The following CNTN5 variants were observed in gnomAD, a reference collection of about 807,000 sequenced individuals.
CNTN5 encodes contactin-5.
Under a neutral mutation model 129.1 loss-of-function variants are expected in CNTN5, and 77 were observed. The ratio of observed to expected loss-of-function variants is 0.60; its 90% CI spans 0.50 to 0.72. The LOEUF (loss-of-function observed/expected upper bound fraction) is 0.72. CNTN5 is among the 30% of genes least tolerant of loss of function. The pLI is 0.00. For synonymous variants in CNTN5, 509 were observed against 465.6 expected, an observed-to-expected ratio of 1.09 and a Z score of -1.20; for missense variants, 1,478 against 1,328.8, an observed-to-expected ratio of 1.11 and a Z score of -1.75.
intron 8 of CNTN5, among the ~76,000 whole-genome samples, chr11:99,963,337 A>C (rs938678923): frequency 3.3e-5 from 5 of 152,152 alleles, no homozygotes; most frequent in Admixed American, 2.6e-4. Context: ...TTTTTTGTAT[A>C]AGGTGTAAGG....
intron 8 of CNTN5, among the ~76,000 whole-genome samples, chr11:99,981,107 C>CATATATATATATATATATATAT (rs1938321524): frequency 1.2e-4 from 1 of 8,258 alleles, no homozygotes; most frequent in Non-Finnish European, 2.6e-4. Flanking sequence ...TATATATACA[C>CATATATATATATATATATATAT]ACACACACAC....
chr11:99,646,039 A>T (rs928886351), intron 3 of CNTN5, among the ~76,000 whole-genome samples: 3 of 152,214 alleles, frequency 2.0e-5, no homozygotes, highest in Admixed American at 6.5e-5. Flanking sequence ...TTTACTGAAC[A>T]AGTCCAAGTC....
chr11:100,241,288 C>T (rs1431828983), intron 16 of CNTN5, among the ~76,000 whole-genome samples: 5 of 152,146 alleles, frequency 3.3e-5, no homozygotes, highest in African/African-American at 4.8e-5. Context: ...GGATGGACAG[C>T]ATTACTTTTA....
intron 2 of CNTN5, among the ~76,000 whole-genome samples, chr11:99,524,882 TC>T (rs1462778213): frequency 2.0e-5 from 3 of 152,120 alleles, no homozygotes; most frequent in African/African-American, 7.2e-5. Context: ...AATACTAAAA[TC>T]CTTCCATCTT....
intron 13 of CNTN5, among the ~76,000 whole-genome samples, chr11:100,109,534 A>AT (rs903533867): frequency 2.0e-5 from 3 of 152,032 alleles, no homozygotes; most frequent in Non-Finnish European, 2.9e-5. Flanking sequence ...TCTTCCACTT[A>AT]TTTTTTTTAT....
intron 1 of CNTN5, among the ~76,000 whole-genome samples, chr11:99,214,566 T>C (rs1860022149): frequency 6.6e-6 from 1 of 151,846 alleles, no homozygotes; most frequent in Admixed American, 6.6e-5. Flanking sequence ...CAGCTTCAAT[T>C]TCATTGTTAA....
chr11:99,346,263 CGATT>C (rs1343067604), intron 2 of CNTN5, among the ~76,000 whole-genome samples: 2 of 152,102 alleles, frequency 1.3e-5, no homozygotes, highest in Admixed American at 6.6e-5. Context: ...GATCAACAAT[CGATT>C]GATTATCAAC....
chr11:99,794,198 T>A (rs1202960667), intron 3 of CNTN5, among the ~76,000 whole-genome samples: 2 of 151,136 alleles, frequency 1.3e-5, no homozygotes, highest in Non-Finnish European at 2.9e-5. Context: ...TTTTTTTTAA[T>A]CTTCGTAGGC....
intron 2 of CNTN5, among the ~76,000 whole-genome samples, chr11:99,400,107 A>T (rs1941724505): frequency 6.6e-6 from 1 of 152,026 alleles, no homozygotes. Context: ...GGCCTTATAC[A>T]TTCATTTTAA....
chr11:99,626,519 G>T (rs1200451093), intron 3 of CNTN5, among the ~76,000 whole-genome samples: 1 of 151,956 alleles, frequency 6.6e-6, no homozygotes, highest in Non-Finnish European at 1.5e-5. Context: ...TGCAAATGTT[G>T]CCCTTCTTCA....
At chr11:99,455,095 C>G (rs940219571) in intron 2 of CNTN5, among the ~76,000 whole-genome samples, 1 of 152,068 alleles carries the variant, frequency 6.6e-6, no homozygotes, top group Non-Finnish European at 1.5e-5. Context: ...CAGATAGTCA[C>G]AGGTTAATAG....
chr11:99,161,589 G>T (rs568176791), intron 1 of CNTN5, among the ~76,000 whole-genome samples: 1 of 152,226 alleles, frequency 6.6e-6, no homozygotes, highest in South Asian at 2.1e-4. Flanking sequence ...AATGAGACCA[G>T]CTTCCTGATG....
chr11:99,758,966 T>G (rs1454292534), intron 3 of CNTN5, among the ~76,000 whole-genome samples: 1 of 152,054 alleles, frequency 6.6e-6, no homozygotes, highest in Non-Finnish European at 1.5e-5. Flanking sequence ...CAAAGAGAAT[T>G]GCAATAGTAT....
At chr11:100,036,312 G>T (rs2137645361) in intron 9 of CNTN5, among the ~76,000 whole-genome samples, 1 of 152,020 alleles carries the variant, frequency 6.6e-6, no homozygotes, top group Non-Finnish European at 1.5e-5. Flanking sequence ...GCTCTGTTCT[G>T]TTCCATTGGT....
chr11:99,641,894 C>T (rs138963668), intron 3 of CNTN5, among the ~76,000 whole-genome samples: 2 of 152,214 alleles, frequency 1.3e-5, no homozygotes, highest in East Asian at 1.9e-4. Context: ...TATTTGAGAG[C>T]GTTACTTCTT....
chr11:100,072,560 C>T (rs1000099717), intron 12 of CNTN5, among the ~76,000 whole-genome samples: 5 of 152,302 alleles, frequency 3.3e-5, no homozygotes, highest in South Asian at 4.1e-4. Context: ...GAAAGATACT[C>T]ACTCATTGTC....
chr11:99,147,881 A>G (rs912679086), intron 1 of CNTN5, among the ~76,000 whole-genome samples: 12 of 152,218 alleles, frequency 7.9e-5, no homozygotes, highest in African/African-American at 1.2e-4. Context: ...TTCATTTTAT[A>G]TATTGTAGAA....
intron 23 of CNTN5, 136 bp from the exon 24 acceptor site, chr11:100,350,566 A>G (rs1283252358): frequency 3.5e-6 from 2 of 579,520 alleles, no homozygotes; most frequent in African/African-American, 3.8e-5. Context: ...TAGACTGCAC[A>G]TGTATTACAT....
chr11:99,422,521 TATATATATATATATA>T (rs1942942215), intron 2 of CNTN5, among the ~76,000 whole-genome samples: 34 of 10,314 alleles, frequency 3.3e-3, no homozygotes, highest in East Asian at 0.032. Context: ...TATATTTTTA[TATATATATATATATA>T]TATATATATA....
Sources: gnomAD v4.1 joint callset for allele counts (sites outside exome capture counted in the v4.1 genomes callset) on GRCh38, gnomAD v4.1.1 for gene constraint, MANE v1.5 for transcripts, NCBI Gene and HGNC (gene_info 2026-07-23, HGNC 2026-07-21) for gene names.